RHOBTB1: variants seen among roughly 807,000 people sequenced by gnomAD.
The protein encoded by RHOBTB1 is rho-related BTB domain-containing protein 1.
A neutral mutation model predicts 71.6 loss-of-function variants in RHOBTB1; 40 were observed. The ratio of observed to expected loss-of-function variants is 0.56; its 90% CI spans 0.43 to 0.73. The LOEUF (loss-of-function observed/expected upper bound fraction) is 0.73, where lower values mean the gene tolerates loss of function less well. Among genes scored for constraint, RHOBTB1 ranks in the 30% least tolerant of loss-of-function variants. The pLI, the probability that RHOBTB1 is intolerant of heterozygous loss-of-function variation, is 0.00. For synonymous variants in RHOBTB1, 319 were observed against 334.9 expected (o/e 0.95, Z 0.52); for missense variants, 797 against 894.0 (o/e 0.89, Z 1.38).
At chr10:60,952,084 G>T (rs189698407) in intron 2 of RHOBTB1, among the ~76,000 whole-genome samples, 1 of 141,664 alleles carries the variant, frequency 7.1e-6, no homozygotes, top group Non-Finnish European at 1.5e-5. Context: ...AAAAAAGAAC[G>T]GTACATGATA....
Position 60,877,983 on chromosome 10 carries a change from T to C in RHOBTB1, c.1651A>G (p.Asn551Asp), listed in dbSNP as rs2081122486. The part of the protein sequence containing the change: ...DYLYTKQLSP[N>D]LDLDPLELIA... ...AATTCCAGCGGGTCCAGATCCAAGT[T>C]AGGAGACAACTGCTTGGTATAGAGA... The change falls in exon 8 of 11, where the codon AAC becomes GAC. Residue 551 changes from asparagine to aspartate, a missense_variant. Physicochemically the swap from Asn to Asp is conservative, Grantham distance 23. This residue lies in a region of RHOBTB1 where 658 missense variants were observed against 681.5 expected (regional missense o/e 0.97). Transcript: ENST00000337910. 1 of 1,613,790 alleles carries C rather than the reference T, an allele frequency of 6.2e-7. No individual in the cohort carries two copies. The highest frequency in any genetic ancestry group is 1.1e-5 in the South Asian group (1 of 91,078).
At chr10:60,977,241 G>A (rs2086346986) in intron 2 of RHOBTB1, among the ~76,000 whole-genome samples, 1 of 151,950 alleles carries the variant, frequency 6.6e-6, no homozygotes, top group African/African-American at 2.4e-5. Context: ...TGGCCTTTAA[G>A]TACCATACAC....
chr10:60,908,744 G>C (rs992418819), intron 4 of RHOBTB1, among the ~76,000 whole-genome samples: 12 of 152,330 alleles, frequency 7.9e-5, no homozygotes, highest in African/African-American at 2.6e-4. Context: ...TGGAGTGCAA[G>C]AGAGAGGAGC....
At chr10:60,927,469 C>T (rs1456491588) in intron 2 of RHOBTB1, among the ~76,000 whole-genome samples, 1 of 152,090 alleles carries the variant, frequency 6.6e-6, no homozygotes. Flanking sequence ...AATCATACTA[C>T]AAAGCTATAG....
intron 2 of RHOBTB1, among the ~76,000 whole-genome samples, chr10:60,969,378 C>T (rs1377226873): frequency 6.6e-6 from 1 of 152,028 alleles, no homozygotes; most frequent in African/African-American, 2.4e-5. Flanking sequence ...GCTAATTGTG[C>T]TTTATCCTGT....
At chr10:60,901,029 G>T (rs2082391598) in intron 4 of RHOBTB1, among the ~76,000 whole-genome samples, 1 of 152,154 alleles carries the variant, frequency 6.6e-6, no homozygotes, top group Admixed American at 6.5e-5. Flanking sequence ...TTACTTTCAG[G>T]ATTAATTCCA....
chr10:60,892,884 G>A lies in RHOBTB1; in HGVS notation c.408C>T (p.Ile136=). 6.2e-7 allele frequency: 1 copy of A among 1,614,082 alleles called. No homozygotes were observed. Among genetic ancestry groups the A allele is most frequent in the South Asian group, 1.1e-5 (1 of 91,076 alleles). Reference sequence around the variant, plus strand: ...GGAGATCAAGCTGGCACCCAACAAGGATAACGGGTGTTCGAGGGCAAAAGT... The same window carrying A: ...GGAGATCAAGCTGGCACCCAACAAGAATAACGGGTGTTCGAGGGCAAAAGT... ...IKHFCPRTPV[I]LVGCQLDLRY... The change falls in exon 5 of 11, where the codon ATC becomes ATT. Residue 136 remains isoleucine (I), a synonymous_variant. Coordinates refer to ENST00000337910, the MANE Select transcript of RHOBTB1 (RefSeq NM_014836.5).
At chr10:60,873,043 A>T (rs1165334909) in intron 9 of RHOBTB1, among the ~76,000 whole-genome samples, 1 of 152,176 alleles carries the variant, frequency 6.6e-6, no homozygotes, top group Non-Finnish European at 1.5e-5. Flanking sequence ...TAGAACCTAC[A>T]GCATGCTTCC....
At chr10:60,875,475 C>A (rs2081008947) in intron 8 of RHOBTB1, among the ~76,000 whole-genome samples, 1 of 152,218 alleles carries the variant, frequency 6.6e-6, no homozygotes, top group Admixed American at 6.5e-5. Flanking sequence ...TCCATCACTG[C>A]AGAAAGTTCT....
At chr10:60,896,279 A>C (rs371683443) in intron 4 of RHOBTB1, among the ~76,000 whole-genome samples, 6 of 152,380 alleles carry the variant, frequency 3.9e-5, no homozygotes, top group East Asian at 1.9e-4. Flanking sequence ...TTCTATTTCT[A>C]TGGCTCTGTT....
Position 60,986,870 on chromosome 10 carries a change from C to T in RHOBTB1, c.-162-925G>A, listed in dbSNP as rs145074817. 2.3e-3 allele frequency among the ~76,000 whole-genome samples: 346 copies of T among 152,252 alleles called. 2 individuals are homozygous for T. Among genetic ancestry groups the T allele is most frequent in the African/African-American group, 7.2e-3 (298 of 41,542 alleles). On this transcript the variant is annotated intron_variant, in intron 1 of 11. Coordinates refer to the RHOBTB1 transcript ENST00000357917. ...ATTAGCAAATCATCCAGCTCTCCTCCCTTTCTGTGCCTCTCTAACAAAGAC... is the reference window on the plus strand; with the variant it reads ...ATTAGCAAATCATCCAGCTCTCCTCTCTTTCTGTGCCTCTCTAACAAAGAC...
intron 2 of RHOBTB1, among the ~76,000 whole-genome samples, chr10:60,973,678 A>G (rs1296043354): frequency 2.6e-5 from 4 of 152,112 alleles, no homozygotes; most frequent in Admixed American, 2.6e-4. Context: ...TAATGGGAAA[A>G]GAACATAGAT....
downstream of RHOBTB1, among the ~76,000 whole-genome samples, chr10:60,868,818 G>C (rs2080655993): frequency 6.6e-6 from 1 of 152,160 alleles, no homozygotes; most frequent in Non-Finnish European, 1.5e-5. Flanking sequence ...TGCCATGATT[G>C]GGACCATCCA....
At chr10:60,925,512 T>C (rs2083818675) in intron 2 of RHOBTB1, among the ~76,000 whole-genome samples, 1 of 151,834 alleles carries the variant, frequency 6.6e-6, no homozygotes, top group Admixed American at 6.6e-5. Context: ...CCTTATAATA[T>C]ATCGTAAAGA....
chr10:60,890,173 C>A (rs1366877480), intron 5 of RHOBTB1, among the ~76,000 whole-genome samples: 1 of 152,118 alleles, frequency 6.6e-6, no homozygotes, highest in African/African-American at 2.4e-5. Flanking sequence ...CTTCCTACAG[C>A]TCTTCTCTGT....
the RHOBTB1 span, among the ~76,000 whole-genome samples, chr10:60,862,511 A>ATG: frequency 6.7e-4 from 74 of 110,746 alleles, no homozygotes; most frequent in African/African-American, 2.8e-3. Flanking sequence ...TAGAAAGAAT[A>ATG]CGCTGTCTCT....
upstream of RHOBTB1, among the ~76,000 whole-genome samples, chr10:60,948,978 GT>G (rs1431573597): frequency 6.6e-6 from 1 of 152,188 alleles, no homozygotes; most frequent in Admixed American, 6.5e-5. Context: ...CATTTTACAT[GT>G]TAGCTTCTAG....
intron 2 of RHOBTB1, among the ~76,000 whole-genome samples, chr10:60,973,285 C>T (rs1461653003): frequency 6.6e-6 from 1 of 152,042 alleles, no homozygotes; most frequent in African/African-American, 2.4e-5. Context: ...TGAGATGTTA[C>T]AAGCTAAGAT....
chr10:60,923,749 G>A (rs752193495), intron 2 of RHOBTB1, among the ~76,000 whole-genome samples: 5 of 152,172 alleles, frequency 3.3e-5, no homozygotes, highest in Non-Finnish European at 7.3e-5. Context: ...CTGTTCTCGG[G>A]ATAGTGACTA....
Sources: gnomAD v4.1 joint callset for allele counts (sites outside exome capture counted in the v4.1 genomes callset) on GRCh38, gnomAD v4.1.1 for gene constraint, gnomAD v4.1.1 regional missense constraint, MANE v1.5 for transcripts, NCBI Gene and HGNC (gene_info 2026-07-23, HGNC 2026-07-21) for gene names.